The following LSAMP variants were observed in gnomAD, a reference collection of about 807,000 sequenced individuals.
The protein encoded by LSAMP is limbic system associated membrane protein.
Under a neutral mutation model 38.6 loss-of-function variants are expected in LSAMP, and 7 were observed. The ratio of observed to expected loss-of-function variants is 0.18; its 90% CI spans 0.10 to 0.34. The LOEUF is 0.34. Among genes scored for constraint, LSAMP ranks in the 10% least tolerant of loss-of-function variants. The pLI is 1.00. For missense variants in LSAMP, 313 were observed against 420.0 expected (o/e 0.75, Z 2.23); for synonymous variants, 154 against 166.8 (o/e 0.92, Z 0.59).
intron 6 of LSAMP, chr3:115,834,593 A>T (rs1436224073): frequency 1.6e-6 from 2 of 1,265,726 alleles, no homozygotes; most frequent in Admixed American, 2.6e-5. Context: ...TGGGTAAAAC[A>T]CGTTCTAAAG....
chr3:115,980,370 G>C (rs957661338), intron 3 of LSAMP, among the ~76,000 whole-genome samples: 1 of 152,044 alleles, frequency 6.6e-6, no homozygotes, highest in East Asian at 1.9e-4. Context: ...CTTCAAAATA[G>C]ATACTATTTT....
At chr3:116,371,205 C>T (rs761905524) in intron 1 of LSAMP, among the ~76,000 whole-genome samples, 1 of 152,048 alleles carries the variant, frequency 6.6e-6, no homozygotes, top group Non-Finnish European at 1.5e-5. Context: ...ATTCATGAAG[C>T]TAGCATTACC....
At chr3:116,434,583 C>T (rs2049322453) in intron 1 of LSAMP, among the ~76,000 whole-genome samples, 1 of 152,098 alleles carries the variant, frequency 6.6e-6, no homozygotes, top group African/African-American at 2.4e-5. Context: ...GAGAAGGAGT[C>T]TTGCTCTGTT....
At chr3:116,051,305 T>A (rs1364325331) in intron 2 of LSAMP, 1 of 152,102 alleles carries the variant, frequency 6.6e-6, no homozygotes, top group Non-Finnish European at 1.5e-5. Context: ...TCCATGTGAC[T>A]CGTCACTGGA....
intron 1 of LSAMP, among the ~76,000 whole-genome samples, chr3:116,089,348 A>G (rs950398697): frequency 3.9e-5 from 6 of 152,078 alleles, no homozygotes; most frequent in Admixed American, 1.3e-4. Context: ...GAATACACAT[A>G]TACTTTTTTT....
intron 1 of LSAMP, among the ~76,000 whole-genome samples, chr3:116,301,210 C>G (rs765637158): frequency 1.3e-5 from 2 of 152,034 alleles, no homozygotes; most frequent in Non-Finnish European, 1.5e-5. Context: ...CAATAAAAAG[C>G]TACACCCGTA....
At chr3:116,039,847 G>A (rs944918401) in intron 2 of LSAMP, among the ~76,000 whole-genome samples, 2 of 152,122 alleles carry the variant, frequency 1.3e-5, no homozygotes, top group African/African-American at 4.8e-5. Flanking sequence ...GGCAAGTTTG[G>A]CAATTTAGTT....
In LSAMP at chr3:116,086,549, C is replaced by T; in HGVS notation, c.163G>A (p.Val55Ile). ...QGDTAILRCV[V>I]EDKNSKVAWL... ...GCCACCTTTGAGTTCTTGTCTTCTACAACGCACCTGACAGAGCAGAGTAAC... is the reference window on the plus strand; with the variant it reads ...GCCACCTTTGAGTTCTTGTCTTCTATAACGCACCTGACAGAGCAGAGTAAC... Residue 55 changes from valine to isoleucine, a missense_variant, in exon 2 of 7, where the codon GTA (valine) becomes ATA (isoleucine). Coordinates refer to ENST00000490035, the MANE Select transcript of LSAMP (RefSeq NM_002338.5). The T allele has an allele frequency of 6.2e-7, 1 of 1,613,862 alleles. No homozygotes were observed. The highest frequency in any genetic ancestry group is 8.5e-7 in the Non-Finnish European group (1 of 1,179,722).
rs185213414 is a variant in LSAMP, at chr3:116,330,383, C to T, written c.155+114494G>A. Reference sequence around the variant, plus strand: ...AAGGGTGAGCAAAAAAGACCTTGTCCTGCAAATATAAGGAATCTTTGGTCT... The same window carrying T: ...AAGGGTGAGCAAAAAAGACCTTGTCTTGCAAATATAAGGAATCTTTGGTCT... On this transcript the variant is annotated intron_variant, in intron 1 of 6. Transcript: ENST00000490035. Among the ~76,000 whole-genome samples the T allele has an allele frequency of 1.2e-4, 18 of 152,178 alleles. No homozygotes were observed. In the South Asian group the frequency reaches 2.9e-3, roughly 25 times the overall value.
chr3:115,942,872 G>A (rs1004815161), intron 3 of LSAMP, among the ~76,000 whole-genome samples: 1 of 152,122 alleles, frequency 6.6e-6, no homozygotes, highest in African/African-American at 2.4e-5. Context: ...AAGCATCCAT[G>A]GCTTTAACAG....
intron 1 of LSAMP, among the ~76,000 whole-genome samples, chr3:116,284,198 T>G (rs2047165014): frequency 6.6e-6 from 1 of 152,106 alleles, no homozygotes; most frequent in East Asian, 1.9e-4. Context: ...GCCCCTCCAC[T>G]AAGAGATCTA....
intron 1 of LSAMP, among the ~76,000 whole-genome samples, chr3:116,235,556 CA>C (rs2046454548): frequency 6.6e-6 from 1 of 152,016 alleles, no homozygotes; most frequent in South Asian, 2.1e-4. Context: ...ATTGAATCTC[CA>C]AAACTGTTTT....
intron 3 of LSAMP, among the ~76,000 whole-genome samples, chr3:115,940,356 T>C (rs1158060054): frequency 6.6e-6 from 1 of 152,190 alleles, no homozygotes; most frequent in Non-Finnish European, 1.5e-5. Context: ...TTGGTGCATT[T>C]ACAGTCCTTT....
At chr3:116,171,942 T>C (rs549291752) in intron 1 of LSAMP, among the ~76,000 whole-genome samples, 9 of 152,184 alleles carry the variant, frequency 5.9e-5, no homozygotes, top group African/African-American at 1.9e-4. Context: ...GGATCCTTCA[T>C]GGGGTGAGCA....
chr3:116,119,156 T>G (rs1233657434), intron 1 of LSAMP, among the ~76,000 whole-genome samples: 1 of 152,184 alleles, frequency 6.6e-6, no homozygotes, highest in Non-Finnish European at 1.5e-5. Flanking sequence ...AGCAACACAT[T>G]GCCTCATTCC....
In LSAMP at chr3:116,275,560, C is replaced by T. The variant is rs1159088031; in HGVS notation, c.155+169317G>A. Among the ~76,000 whole-genome samples, 5 of 151,928 alleles carry T rather than the reference C, an allele frequency of 3.3e-5. No homozygotes were observed. The South Asian group carries it at 1.0e-3, about 31-fold the overall frequency. On this transcript the variant is annotated intron_variant, in intron 1 of 6. Coordinates refer to ENST00000490035, the MANE Select transcript of LSAMP (RefSeq NM_002338.5). ...ACAATAGAAAAAAATCACAGAATTT[C>T]ATTGCATTTTCCGTTTTTTTTTAAA...
intron 1 of LSAMP, among the ~76,000 whole-genome samples, chr3:116,356,339 A>T (rs1255399801): frequency 6.6e-6 from 1 of 152,218 alleles, no homozygotes; most frequent in African/African-American, 2.4e-5. Flanking sequence ...GAAAAACTTC[A>T]CATGTTCTCA....
intron 3 of LSAMP, among the ~76,000 whole-genome samples, chr3:116,003,884 T>G (rs1214116937): frequency 1.3e-5 from 2 of 152,218 alleles, no homozygotes; most frequent in Non-Finnish European, 2.9e-5. Context: ...TTTGGAATTC[T>G]GGCCTCCAAA....
intron 1 of LSAMP, among the ~76,000 whole-genome samples, chr3:116,367,648 G>T (rs1416062511): frequency 2.0e-5 from 3 of 151,846 alleles, no homozygotes; most frequent in South Asian, 4.2e-4. Flanking sequence ...GGGATTACAG[G>T]CATCGTCTGC....
Sources: gnomAD v4.1 joint callset for allele counts (sites outside exome capture counted in the v4.1 genomes callset) on GRCh38, gnomAD v4.1.1 for gene constraint, MANE v1.5 for transcripts, NCBI Gene and HGNC (gene_info 2026-07-23, HGNC 2026-07-21) for gene names.